Variants in EDEM2 observed in about 807,000 individuals in gnomAD.
The protein encoded by EDEM2 is ER degradation enhancing alpha-mannosidase like protein 2.
Under a neutral mutation model 64.8 loss-of-function variants are expected in EDEM2, and 39 were observed. The ratio of observed to expected loss-of-function variants is 0.60; its 90% CI spans 0.47 to 0.79. EDEM2 has a LOEUF of 0.79. Among genes scored for constraint, EDEM2 ranks in the 30% least tolerant of loss-of-function variants. The pLI is 0.00. For synonymous variants in EDEM2, 296 were observed against 291.5 expected (o/e 1.02, Z -0.16); for missense variants, 609 against 731.3 (o/e 0.83, Z 1.93).
At chr20:35,144,860 A>G in intron 3 of EDEM2, 119 bp downstream of exon 3, 2 of 1,142,626 alleles carry the variant, frequency 1.8e-6, no homozygotes, top group Non-Finnish European at 2.6e-6. Flanking sequence ...CAGAATCATG[A>G]GATGCAAATA....
At chr20:35,118,761 C>G in intron 9 of EDEM2, 42 bp from the exon 10 acceptor site, 2 of 1,608,120 alleles carry the variant, frequency 1.2e-6, no homozygotes, top group Non-Finnish European at 1.7e-6. Flanking sequence ...AGTGGCTGCA[C>G]AGAGATGGCC....
At chr20:35,133,106 G>T (rs1291435379) in intron 6 of EDEM2, among the ~76,000 whole-genome samples, 1 of 152,146 alleles carries the variant, frequency 6.6e-6, no homozygotes, top group Non-Finnish European at 1.5e-5. Flanking sequence ...TCTTGCTGGG[G>T]AGCTTAGGAA....
At chr20:35,140,794 A>G (rs2085642787) in intron 4 of EDEM2, among the ~76,000 whole-genome samples, 1 of 152,188 alleles carries the variant, frequency 6.6e-6, no homozygotes, top group Non-Finnish European at 1.5e-5. Context: ...TAAAGAAGGC[A>G]TGAAAAAGGA....
chr20:35,142,897 G>A (rs2085677656), intron 3 of EDEM2, among the ~76,000 whole-genome samples: 2 of 151,924 alleles, frequency 1.3e-5, no homozygotes, highest in African/African-American at 4.8e-5. Flanking sequence ...CCGAGTAGCT[G>A]GGATTATGCA....
chr20:35,115,945 G>C lies in EDEM2; in HGVS notation c.1237-12C>G, dbSNP rs1180546395. On this transcript the variant is annotated splice_polypyrimidine_tract_variant and intron_variant, in intron 10 of 10. Coordinates refer to ENST00000374492, the MANE Select transcript of EDEM2 (RefSeq NM_018217.3). ...CGCAGATCTTTGATCTGACATGTGG[G>C]AGAAGGAAGCAAGCTGGAACACCAT... is the stretch of plus-strand genomic sequence containing the variant. The C allele has an allele frequency of 1.2e-6, 2 of 1,610,094 alleles. No homozygotes were observed. Among genetic ancestry groups the C allele is most frequent in the Non-Finnish European group, 8.5e-7 (1 of 1,177,500 alleles).
Position 35,134,880 on chromosome 20 carries a change from G to T in EDEM2, c.560C>A (p.Thr187Asn). Reference sequence around the variant, plus strand: ...AATCCCTGCCGTACAGGTGACAGGGGTCTCTCCTGGGTTCACGCCATGAAG... The same window carrying T: ...AATCCCTGCCGTACAGGTGACAGGGTTCTCTCCTGGGTTCACGCCATGAAG... ...NLLHGVNPGE[T>N]PVTCTAGIGT... Residue 187 changes from threonine (T) to asparagine (N), a missense_variant, in exon 6 of 11, where the codon ACC becomes AAC. Thr to Asn is a moderately conservative substitution (Grantham distance 65, BLOSUM62 0). Transcript: ENST00000374492. 1 of 1,614,168 alleles carries T rather than the reference G, an allele frequency of 6.2e-7. No homozygotes were observed. Among genetic ancestry groups the T allele is most frequent in the Non-Finnish European group, 8.5e-7 (1 of 1,180,038 alleles).
rs771744773 is a variant in EDEM2, at chr20:35,118,595, T to TA, written c.1236+2dup. The TA allele has an allele frequency of 3.8e-5, 62 of 1,613,902 alleles. No homozygotes were observed. Among genetic ancestry groups the TA allele is most frequent in the Non-Finnish European group, 4.9e-5 (58 of 1,179,932 alleles). The stretch of plus-strand genomic sequence containing the variant: ...CAGTTCTTGGGGCCATGCAAACACT[T>TA]ACTGTTGCAAATCCGCACTCCACCT... On this transcript the variant is annotated splice_region_variant and intron_variant, in intron 10 of 10. Transcript: ENST00000374492.
At chr20:35,146,557 C>G (rs1299704261) in intron 2 of EDEM2, among the ~76,000 whole-genome samples, 1 of 152,184 alleles carries the variant, frequency 6.6e-6, no homozygotes, top group Non-Finnish European at 1.5e-5. Context: ...CAGAAATTGC[C>G]TATGTCCCCA....
In EDEM2 at chr20:35,144,581, G is replaced by C. The variant is rs187193079; in HGVS notation, c.258+398C>G. 1.7e-3 allele frequency among the ~76,000 whole-genome samples: 256 copies of C among 152,130 alleles called. 2 individuals are homozygous for C. The highest frequency in any genetic ancestry group is 2.4e-3 in the Non-Finnish European group (163 of 67,968). On this transcript the variant is annotated intron_variant, in intron 3 of 10. Transcript: ENST00000374492. ...ACCCCTGACCTCAGGTGATCTGCCT[G>C]CCTCGGCCTTCCAAAGTGCTGGGAT...
intron 7 of EDEM2, among the ~76,000 whole-genome samples, chr20:35,127,522 A>T (rs2085450033): frequency 6.6e-6 from 1 of 152,202 alleles, no homozygotes; most frequent in African/African-American, 2.4e-5. Flanking sequence ...AATCCCCCAC[A>T]CTAGTACAAT....
chr20:35,117,806 CTTTGACCCTTTCAATCTATTCTTCACA>C (rs999010036), intron 10 of EDEM2, among the ~76,000 whole-genome samples: 1 of 152,114 alleles, frequency 6.6e-6, no homozygotes, highest in Non-Finnish European at 1.5e-5. Flanking sequence ...TGGCTCTCAC[CTTTGACCCTTTCAATCTATTCTTCACA>C]AAGCAGCCAA....
chr20:35,139,757 G>A (rs2085627814), intron 4 of EDEM2, among the ~76,000 whole-genome samples: 1 of 151,792 alleles, frequency 6.6e-6, no homozygotes. Flanking sequence ...AATGCAGCCA[G>A]AATCCATGTA....
At chr20:35,122,025 A>C (rs2085375676) in intron 9 of EDEM2, among the ~76,000 whole-genome samples, 1 of 152,046 alleles carries the variant, frequency 6.6e-6, no homozygotes, top group Non-Finnish European at 1.5e-5. Context: ...CTGGGCTTAA[A>C]TGATCCTCCT....
In EDEM2 at chr20:35,123,884, G is replaced by A; in HGVS notation, c.1114+6C>T. On this transcript the variant is annotated splice_donor_region_variant and intron_variant, in intron 9 of 10. Transcript: ENST00000374492. ...GGGCAGATGACAAGCCAGAAATGCTGCTCACCTGGCCGAAGTGGGTAGCCC... is the reference window on the plus strand; with the variant it reads ...GGGCAGATGACAAGCCAGAAATGCTACTCACCTGGCCGAAGTGGGTAGCCC... 6.2e-7 allele frequency: 1 copy of A among 1,613,246 alleles called. No individual in the cohort carries two copies. Among genetic ancestry groups the A allele is most frequent in the Non-Finnish European group, 8.5e-7 (1 of 1,179,650 alleles).
intron 4 of EDEM2, among the ~76,000 whole-genome samples, chr20:35,138,580 C>CTTT (rs1199947248): frequency 2.1e-5 from 3 of 140,778 alleles, no homozygotes; most frequent in Admixed American, 7.2e-5. Flanking sequence ...ATATGTAGAA[C>CTTT]TTTTTTTTTT....
In EDEM2 at chr20:35,145,948, G is replaced by A. The variant is rs1293031985; in HGVS notation, c.218+877C>T. On this transcript the variant is annotated intron_variant, in intron 2 of 10. Transcript: ENST00000374492. The stretch of plus-strand genomic sequence containing the variant: ...AGCCAGGAGGCGGAGTTTGAAGTGA[G>A]CCAAGATCACGCCATTGCACTCCAG... Among the ~76,000 whole-genome samples the A allele has an allele frequency of 6.3e-5, 9 of 143,012 alleles. No homozygotes were observed. The East Asian group carries it at 1.9e-3, about 29-fold the overall frequency. The allele number at this position is 143,012 out of a possible 152,430, so 93.8% of individuals were successfully genotyped here.
At chr20:35,119,867 T>C (rs942612639) in intron 9 of EDEM2, among the ~76,000 whole-genome samples, 5 of 152,184 alleles carry the variant, frequency 3.3e-5, no homozygotes, top group African/African-American at 7.2e-5. Context: ...AGAACTGTTG[T>C]AGAGTTGACT....
intron 9 of EDEM2, among the ~76,000 whole-genome samples, chr20:35,122,531 T>G (rs1255568280): frequency 6.6e-6 from 1 of 152,102 alleles, no homozygotes; most frequent in Non-Finnish European, 1.5e-5. Flanking sequence ...CACGCCACCA[T>G]GCCCAGCTAA....
chr20:35,132,872 A>G (rs914476607), intron 6 of EDEM2, among the ~76,000 whole-genome samples: 6 of 152,098 alleles, frequency 3.9e-5, no homozygotes, highest in Admixed American at 1.3e-4. Flanking sequence ...TTAGACCCTC[A>G]TGGAAGCTGG....
Sources: allele counts gnomAD v4.1 joint callset (sites outside exome capture counted in the v4.1 genomes callset), GRCh38; gene constraint gnomAD v4.1.1; transcripts MANE v1.5; gene names NCBI Gene and HGNC (gene_info 2026-07-23, HGNC 2026-07-21).